Variants in LGR4 observed in about 807,000 individuals in gnomAD.
LGR4 encodes the protein leucine-rich repeat-containing G protein-coupled receptor 4.
LGR4 carries 44 observed loss-of-function variants against 84.8 expected under a neutral mutation model. That is an observed-to-expected ratio of 0.52 (90% CI 0.41 to 0.67). The LOEUF is 0.67. Among genes scored for constraint, LGR4 ranks in the 30% least tolerant of loss-of-function variants. The probability of loss-of-function intolerance (pLI) is 0.00; values close to 1 mark genes in which losing one functional copy is unlikely to be tolerated. For missense variants in LGR4, 1,032 were observed against 1,131.4 expected (o/e 0.91, Z 1.26); for synonymous variants, 429 against 434.3 (o/e 0.99, Z 0.15).
intron 2 of LGR4, among the ~76,000 whole-genome samples, chr11:27,407,671 A>AT (rs923298072): frequency 2.6e-4 from 38 of 148,778 alleles, no homozygotes; most frequent in Middle Eastern, 3.4e-3. Context: ...GGACCAGAAT[A>AT]TTTTTTTCTT....
intron 1 of LGR4, among the ~76,000 whole-genome samples, chr11:27,456,843 C>A (rs1318076563): frequency 6.6e-6 from 1 of 152,154 alleles, no homozygotes; most frequent in Non-Finnish European, 1.5e-5. Flanking sequence ...GATTTTGAAT[C>A]TATTGTGTAG....
chr11:27,413,092 C>A (rs1863741974), intron 1 of LGR4, among the ~76,000 whole-genome samples: 1 of 151,968 alleles, frequency 6.6e-6, no homozygotes, highest in South Asian at 2.1e-4. Flanking sequence ...CTGTATTTTC[C>A]CCTCTTAAGT....
chr11:27,409,109 G>A (rs934974490), intron 2 of LGR4, among the ~76,000 whole-genome samples: 1 of 152,108 alleles, frequency 6.6e-6, no homozygotes, highest in African/African-American at 2.4e-5. Context: ...GGTTAAATGT[G>A]AAAACAAAAC....
At chr11:27,449,025 T>C (rs890104043) in intron 1 of LGR4, among the ~76,000 whole-genome samples, 6 of 152,214 alleles carry the variant, frequency 3.9e-5, no homozygotes, top group Admixed American at 1.3e-4. Context: ...ACTCACCTAG[T>C]TGACAATATC....
At chr11:27,441,423 T>A (rs1436252446) in intron 1 of LGR4, among the ~76,000 whole-genome samples, 1 of 151,474 alleles carries the variant, frequency 6.6e-6, no homozygotes, top group Non-Finnish European at 1.5e-5. Flanking sequence ...ACAAAAAAAG[T>A]GGCATGGGTG....
intron 8 of LGR4, 31 bp downstream of exon 8, chr11:27,380,864 T>G: frequency 7.4e-7 from 1 of 1,352,246 alleles, no homozygotes; most frequent in Non-Finnish European, 1.1e-6. Flanking sequence ...CACATAATTA[T>G]ACATTAAAAG....
chr11:27,455,139 T>C (rs1864550197), intron 1 of LGR4, among the ~76,000 whole-genome samples: 2 of 152,160 alleles, frequency 1.3e-5, no homozygotes, highest in Admixed American at 6.6e-5. Flanking sequence ...GGTCTCTAAG[T>C]GATCCTCCTG....
chr11:27,447,537 A>G (rs543859219), intron 1 of LGR4, among the ~76,000 whole-genome samples: 1 of 152,338 alleles, frequency 6.6e-6, no homozygotes, highest in South Asian at 2.1e-4. Flanking sequence ...AAAACGCATA[A>G]ATAATCCACA....
Position 27,391,116 on chromosome 11 carries a change from C to A in LGR4, c.379G>T (p.Gly127Trp). ...LKTVPSEAIRGLSALQSLRLD... is the reference protein window; with the variant it reads ...LKTVPSEAIRWLSALQSLRLD... Reference sequence around the variant, plus strand: ...TACAAAGACTGCAAAGCACTCAGCCCTCGAATGGCTTCACTGGGTACTGTT... The same window carrying A: ...TACAAAGACTGCAAAGCACTCAGCCATCGAATGGCTTCACTGGGTACTGTT... Residue 127 changes from glycine (G) to tryptophan (W), a missense_variant, in exon 4 of 18, where the codon GGG becomes TGG. Coordinates refer to ENST00000379214, the MANE Select transcript of LGR4 (RefSeq NM_018490.5). 1 of 1,609,786 alleles carries A rather than the reference C, an allele frequency of 6.2e-7. No individual in the cohort carries two copies. Among genetic ancestry groups the A allele is most frequent in the Non-Finnish European group, 8.5e-7 (1 of 1,177,754 alleles).
At chr11:27,457,970 TAAA>T (rs1227896763) in intron 1 of LGR4, among the ~76,000 whole-genome samples, 2 of 148,846 alleles carry the variant, frequency 1.3e-5, no homozygotes, top group Non-Finnish European at 3.0e-5. Flanking sequence ...CTGCAAAAAT[TAAA>T]AAAAAAATTA....
chr11:27,390,805 A>G (rs1379155201), intron 4 of LGR4, among the ~76,000 whole-genome samples: 1 of 152,170 alleles, frequency 6.6e-6, no homozygotes. Flanking sequence ...CTGTACACAC[A>G]TAACTGGTTC....
At chr11:27,430,920 C>G (rs970783499) in intron 1 of LGR4, among the ~76,000 whole-genome samples, 4 of 151,468 alleles carry the variant, frequency 2.6e-5, no homozygotes, top group African/African-American at 9.7e-5. Context: ...CCCACAAGCA[C>G]GCAAACCTCT....
intron 12 of LGR4, among the ~76,000 whole-genome samples, chr11:27,376,907 T>C (rs184356604): frequency 1.1e-3 from 162 of 152,334 alleles, no homozygotes; most frequent in African/African-American, 3.7e-3. Context: ...TTTTGTCTTC[T>C]ATTTCTTTTA....
rs1365515906 is a variant in LGR4, at chr11:27,366,811, T to G, written c.*1056A>C. On this transcript the variant is annotated 3_prime_UTR_variant, in exon 18 of 18. Coordinates refer to ENST00000379214, the MANE Select transcript of LGR4 (RefSeq NM_018490.5). ...TTTATAAAAAATAGTATGGGGAAGA[T>G]GTATGGAAATTTCCATTTAATAGCA... 2 of 152,126 alleles carry G rather than the reference T, an allele frequency of 1.3e-5. No individual in the cohort carries two copies. Among genetic ancestry groups the G allele is most frequent in the Non-Finnish European group, 2.9e-5 (2 of 67,980 alleles). 9.4% of individuals were successfully genotyped at this position (152,126 alleles called of 1,614,324 possible).
At chr11:27,430,043 T>C (rs562012987) in intron 1 of LGR4, among the ~76,000 whole-genome samples, 1 of 152,220 alleles carries the variant, frequency 6.6e-6, no homozygotes, top group South Asian at 2.1e-4. Context: ...GTACTTGGCA[T>C]CTATTCCTTT....
chr11:27,399,807 C>T (rs1226272817), intron 2 of LGR4, among the ~76,000 whole-genome samples: 1 of 152,144 alleles, frequency 6.6e-6, no homozygotes, highest in African/African-American at 2.4e-5. Flanking sequence ...GCATGAGCCA[C>T]CGCACCCGGC....
chr11:27,457,770 C>A lies in LGR4; in HGVS notation c.185+14348G>T, dbSNP rs373282583. On this transcript the variant is annotated intron_variant, in intron 1 of 17. Coordinates refer to ENST00000379214, the MANE Select transcript of LGR4 (RefSeq NM_018490.5). ...AAAGCTAGAAATAGGGCAAATGTCC[C>A]TTGACTGGTGAATGGAGAAACAAAT... is the stretch of plus-strand genomic sequence containing the variant. 2.6e-5 allele frequency among the ~76,000 whole-genome samples: 4 copies of A among 152,266 alleles called. No individual in the cohort carries two copies. In the East Asian group the frequency reaches 5.8e-4, roughly 22 times the overall value.
Position 27,368,487 on chromosome 11 carries a change from T to C in LGR4, c.2236A>G (p.Ile746Val). The C allele has an allele frequency of 1.2e-6, 2 of 1,614,230 alleles. No individual in the cohort carries two copies. Among genetic ancestry groups the C allele is most frequent in the Non-Finnish European group, 1.7e-6 (2 of 1,180,034 alleles). The change falls in exon 18 of 18, where the codon ATT becomes GTT. Residue 746 changes from isoleucine (I) to valine (V), a missense_variant. By Grantham distance (29) the Ile-to-Val change is conservative (BLOSUM62 3). Coordinates refer to ENST00000379214, the MANE Select transcript of LGR4 (RefSeq NM_018490.5). ...AAGATTAGCCAAGCGACATGCTTAA[T>C]CATGCTAGATTGTGAGTTTTCTGAG... ...DLSENSQSSM[I>V]KHVAWLIFTN...
chr11:27,420,244 A>G (rs568509833), intron 1 of LGR4, among the ~76,000 whole-genome samples: 75 of 152,312 alleles, frequency 4.9e-4, no homozygotes, highest in African/African-American at 1.8e-3. Context: ...TGTCTTGAGA[A>G]TCGAGAAATA....
Sources: allele counts gnomAD v4.1 joint callset (sites outside exome capture counted in the v4.1 genomes callset), GRCh38; gene constraint gnomAD v4.1.1; transcripts MANE v1.5; gene names NCBI Gene and HGNC (gene_info 2026-07-23, HGNC 2026-07-21).